KCTD1: variants seen among roughly 807,000 people sequenced by gnomAD.
The protein encoded by KCTD1 is BTB/POZ domain-containing protein KCTD1.
In KCTD1, 24 loss-of-function variants were observed where a neutral mutation model predicts 66.0. The observed-to-expected ratio is 0.36, with a 90% confidence interval of 0.26 to 0.51. The LOEUF (loss-of-function observed/expected upper bound fraction) is 0.51. KCTD1 is among the 20% of genes least tolerant of loss of function. The pLI, the probability that KCTD1 is intolerant of heterozygous loss-of-function variation, is 0.95. For missense variants in KCTD1, 943 were observed against 1,205.2 expected (o/e 0.78, Z 3.22); for synonymous variants, 511 against 517.2 (o/e 0.99, Z 0.16).
intron 1 of KCTD1, among the ~76,000 whole-genome samples, chr18:26,567,488 G>T (rs12965121): frequency 0.082 from 9,229 of 112,490 alleles, 469 homozygotes; most frequent in South Asian, 0.15. Flanking sequence ...TGTTGTTGTT[G>T]TTTTTTTTTT....
chr18:26,584,420 C>A (rs770682321), intron 1 of KCTD1, among the ~76,000 whole-genome samples: 1 of 152,196 alleles, frequency 6.6e-6, no homozygotes, highest in Non-Finnish European at 1.5e-5. Flanking sequence ...TTAATTTCAT[C>A]TGTTTCTTTT....
At chr18:26,655,220 C>T (rs948135679) in intron 1 of KCTD1, among the ~76,000 whole-genome samples, 2 of 152,162 alleles carry the variant, frequency 1.3e-5, no homozygotes, top group Non-Finnish European at 2.9e-5. Flanking sequence ...CACATACACA[C>T]AAAACAGGAG....
intron 1 of KCTD1, among the ~76,000 whole-genome samples, chr18:26,516,587 G>C (rs1035368953): frequency 9.2e-5 from 14 of 152,232 alleles, no homozygotes; most frequent in African/African-American, 1.2e-4. Flanking sequence ...GTTATAGCAA[G>C]TAGAATGGAA....
intron 1 of KCTD1, among the ~76,000 whole-genome samples, chr18:26,655,551 C>A (rs1379380678): frequency 6.6e-6 from 1 of 152,206 alleles, no homozygotes; most frequent in Non-Finnish European, 1.5e-5. Flanking sequence ...ATTACTCCTG[C>A]CTACTGCGGT....
At chr18:26,506,340 G>A (rs534728024) in intron 1 of KCTD1, among the ~76,000 whole-genome samples, 1 of 152,248 alleles carries the variant, frequency 6.6e-6, no homozygotes, top group East Asian at 1.9e-4. Context: ...GAGGAAGGCC[G>A]GGCTACTATG....
chr18:26,596,112 T>C (rs2144959472), intron 1 of KCTD1, among the ~76,000 whole-genome samples: 1 of 152,344 alleles, frequency 6.6e-6, no homozygotes, highest in Non-Finnish European at 1.5e-5. Context: ...ACTGAATGTT[T>C]GTATCCCCCA....
chr18:26,615,939 C>T (rs1269634753), intron 1 of KCTD1, among the ~76,000 whole-genome samples: 3 of 151,710 alleles, frequency 2.0e-5, no homozygotes, highest in South Asian at 2.1e-4. Context: ...TACAGGTGTC[C>T]GCCACCACGC....
chr18:26,482,757 T>A (rs1472291362), intron 2 of KCTD1, among the ~76,000 whole-genome samples: 2 of 152,010 alleles, frequency 1.3e-5, no homozygotes, highest in African/African-American at 4.8e-5. Flanking sequence ...TCCCCTGTGG[T>A]CCATGCATGG....
intron 1 of KCTD1, among the ~76,000 whole-genome samples, chr18:26,538,412 G>C (rs894528278): frequency 6.6e-6 from 1 of 152,204 alleles, no homozygotes. Context: ...GGTTAATTGT[G>C]AGAGGGAAGA....
intron 1 of KCTD1, among the ~76,000 whole-genome samples, chr18:26,654,701 T>G (rs1320663747): frequency 6.6e-6 from 1 of 152,212 alleles, no homozygotes; most frequent in East Asian, 1.9e-4. Flanking sequence ...TGTGTGACAT[T>G]TTTGCCTAAT....
At chr18:26,461,975 G>C (rs115182729) in intron 3 of KCTD1, among the ~76,000 whole-genome samples, 1 of 152,114 alleles carries the variant, frequency 6.6e-6, no homozygotes, top group Non-Finnish European at 1.5e-5. Context: ...AAAATTAGCC[G>C]GGCATGGTGG....
At chr18:26,489,979 G>A (rs1295274519) in intron 2 of KCTD1, among the ~76,000 whole-genome samples, 2 of 152,072 alleles carry the variant, frequency 1.3e-5, no homozygotes, top group Admixed American at 6.5e-5. Context: ...GGGTAGACTC[G>A]AAATACGATG....
chr18:26,461,738 G>C (rs1272028996), intron 3 of KCTD1, among the ~76,000 whole-genome samples: 1 of 152,238 alleles, frequency 6.6e-6, no homozygotes, highest in Admixed American at 6.5e-5. Context: ...AGCAAGAGAA[G>C]CGAGAACTTA....
chr18:26,622,014 C>T (rs1029182660), intron 1 of KCTD1, among the ~76,000 whole-genome samples: 1 of 152,176 alleles, frequency 6.6e-6, no homozygotes, highest in Admixed American at 6.5e-5. Context: ...AAGATGGATT[C>T]TAGTCCAGGT....
intron 1 of KCTD1, chr18:26,544,269 C>T (rs1381099150): frequency 6.6e-6 from 1 of 152,240 alleles, no homozygotes; most frequent in Admixed American, 6.5e-5. Context: ...AGCAATCACA[C>T]ATTCCATAAT....
chr18:26,615,471 T>C (rs973125790), intron 1 of KCTD1, among the ~76,000 whole-genome samples: 6 of 152,192 alleles, frequency 3.9e-5, no homozygotes, highest in African/African-American at 1.4e-4. Flanking sequence ...CAAGTAGTAC[T>C]GAGCATTTTG....
At chr18:26,653,861 T>G (rs547533738) in intron 1 of KCTD1, among the ~76,000 whole-genome samples, 16 of 152,336 alleles carry the variant, frequency 1.1e-4, no homozygotes, top group South Asian at 1.0e-3. Context: ...CATCCAAAAA[T>G]TTCACTTTTA....
chr18:26,626,470 ATTTTTTTTTT>A (rs71169868), intron 1 of KCTD1, among the ~76,000 whole-genome samples: 1 of 108,224 alleles, frequency 9.2e-6, no homozygotes, highest in Non-Finnish European at 1.9e-5. Context: ...TGAGGAGGTG[ATTTTTTTTTT>A]TTTTTTTTTT....
intron 2 of KCTD1, among the ~76,000 whole-genome samples, chr18:26,477,194 T>C (rs899495653): frequency 6.6e-6 from 1 of 152,214 alleles, no homozygotes; most frequent in African/African-American, 2.4e-5. Context: ...TAGAAGAATA[T>C]GTTTTCCACT....
Sources: gnomAD v4.1 joint callset for allele counts (sites outside exome capture counted in the v4.1 genomes callset) on GRCh38, gnomAD v4.1.1 for gene constraint, MANE v1.5 for transcripts, NCBI Gene and HGNC (gene_info 2026-07-23, HGNC 2026-07-21) for gene names.